The following SIGLEC11 variants were observed in gnomAD, a reference collection of about 807,000 sequenced individuals.
SIGLEC11 encodes sialic acid-binding Ig-like lectin 11.
SIGLEC11 carries 47 observed loss-of-function variants against 61.2 expected under a neutral mutation model. The ratio of observed to expected loss-of-function variants is 0.77; its 90% CI spans 0.61 to 0.98. SIGLEC11 has a LOEUF of 0.98. Ranked by LOEUF, SIGLEC11 falls within the 50% of genes least tolerant of loss-of-function variation. SIGLEC11 has a pLI of 0.00. For missense variants in SIGLEC11, 610 were observed against 870.3 expected, an observed-to-expected ratio of 0.70 and a Z score of 3.76; for synonymous variants, 278 against 373.1, an observed-to-expected ratio of 0.75 and a Z score of 2.94.
rs369965256 is a variant in SIGLEC11 at position 49,951,913 on chromosome 19, G to A, written c.1808C>T (p.Ser603Phe). 2 of 1,608,594 alleles carry A rather than the reference G, an allele frequency of 1.2e-6. No individual in the cohort carries two copies. Among genetic ancestry groups the A allele is most frequent in the Non-Finnish European group, 1.7e-6 (2 of 1,177,806 alleles). ...CACCTGGGAGATGGGTCCCAGGGTG[G>A]AGGGCACGTCCTGCTCAGCTGCTGC... ...KRAAAEQDVP[S>F]TLGPISQGHQ... Residue 603 changes from serine to phenylalanine, a missense_variant, in exon 10 of 11, where the codon TCC becomes TTC. Transcript: ENST00000447370. The surrounding 1 kb of genome is among the most constrained non-coding windows in gnomAD (Gnocchi z 4.6).
intron 9 of SIGLEC11, 132 bp downstream of exon 9, chr19:49,952,166 G>A: frequency 9.2e-7 from 1 of 1,089,470 alleles, no homozygotes; most frequent in East Asian, 2.4e-5. Context: ...GCAGACCCCT[G>A]CTCTGATCCT....
At chr19:49,952,431 G>A in intron 8 of SIGLEC11, 37 bp from the exon 9 acceptor site, 2 of 1,526,556 alleles carry the variant, frequency 1.3e-6, no homozygotes, top group South Asian at 2.3e-5. Context: ...TGCCCTCCTG[G>A]CCCTGAGACC....
At position 49,951,844 on chromosome 19, in the gene SIGLEC11, GA is replaced by G; in HGVS notation, c.1830+46del. 1 of 1,503,246 alleles carries G rather than the reference GA, an allele frequency of 6.7e-7. No individual in the cohort carries two copies. The highest frequency in any genetic ancestry group is 8.9e-7 in the Non-Finnish European group (1 of 1,118,178). The allele number at this position is 1,503,246 out of a possible 1,614,324, so 93.1% of individuals were successfully genotyped here. ...AAGAGGACTACCCATGGCCATCAAGGAAAGGGGAACAGGCAGGGCCCCAGCA... is the reference window on the plus strand; with the variant it reads ...AAGAGGACTACCCATGGCCATCAAGGAAGGGGAACAGGCAGGGCCCCAGCA... On this transcript the variant is annotated intron_variant, in intron 10 of 10. Transcript: ENST00000447370. This position sits in a 1 kb window ranked among gnomAD's most constrained non-coding sequence, Gnocchi z 4.6.
Position 49,951,780 on chromosome 19 carries a change from C to A in SIGLEC11, c.1830+111G>T, listed in dbSNP as rs2076159463. 11 of 962,826 alleles carry A rather than the reference C, an allele frequency of 1.1e-5. No homozygotes were observed. Among genetic ancestry groups the A allele is most frequent in the Non-Finnish European group, 1.6e-5 (11 of 673,728 alleles). The allele number at this position is 962,826 out of a possible 1,614,324, so 59.6% of individuals were successfully genotyped here. On this transcript the variant is annotated intron_variant, in intron 10 of 10. Coordinates refer to ENST00000447370, the MANE Select transcript of SIGLEC11 (RefSeq NM_052884.3). The surrounding 1 kb of genome is among the most constrained non-coding windows in gnomAD (Gnocchi z 4.6). ...GACTGCATTGATGGGGACCCAGGAG[C>A]AAAACCCTATTTGGGGCACAATGAT...
Position 49,955,614 on chromosome 19 carries a change from A to G in SIGLEC11, c.1651+2669T>C, listed in dbSNP as rs1335640222. Among the ~76,000 whole-genome samples the G allele has an allele frequency of 6.6e-6, 1 of 152,144 alleles. No individual in the cohort carries two copies. The highest frequency in any genetic ancestry group is 1.5e-5 in the Non-Finnish European group (1 of 68,018). ...AACATAGGCTTAAAAAAAAAGGCCA[A>G]TCTGTTGGCAGCAGCCCTCATAAAA... is the stretch of plus-strand genomic sequence containing the variant. On this transcript the variant is annotated intron_variant, in intron 8 of 10. Coordinates refer to ENST00000447370, the MANE Select transcript of SIGLEC11 (RefSeq NM_052884.3). The surrounding 1 kb of genome is among the most constrained non-coding windows in gnomAD (Gnocchi z 4.5).
rs531876202 is a variant in SIGLEC11, at chr19:49,960,422, C to T, written c.461-1G>A. 2.4e-5 allele frequency: 38 copies of T among 1,588,708 alleles called. 1 individual carries two copies. In the East Asian group the frequency reaches 4.5e-4, roughly 19 times the overall value. On this transcript the variant is annotated splice_acceptor_variant, in intron 2 of 10. Transcript: ENST00000447370. LOFTEE classifies it high-confidence loss of function. ...TAGACATCAGGCTTCTTAGTCAGGG[C>T]TGGGACAGAGACCGGGTGGGAGATT...
rs188736707 is a variant in SIGLEC11, at chr19:49,952,419, G to A, written c.1652-25C>T. The A allele has an allele frequency of 3.2e-6, 5 of 1,584,582 alleles. No individual in the cohort carries two copies. The Admixed American group carries it at 5.1e-5, about 16-fold the overall frequency. On this transcript the variant is annotated intron_variant, in intron 8 of 10. Transcript: ENST00000447370. ...CCTGCATGGGAGCAGGGTTTGGGGTGGTGCCCTCCTGGCCCTGAGACCCTC... is the reference window on the plus strand; with the variant it reads ...CCTGCATGGGAGCAGGGTTTGGGGTAGTGCCCTCCTGGCCCTGAGACCCTC...
intron 6 of SIGLEC11, 25 bp downstream of exon 6, chr19:49,959,005 C>T (rs1568750134): frequency 1.2e-6 from 2 of 1,613,746 alleles, no homozygotes. Context: ...CTGAGAGGCC[C>T]TGGCTCCTCT....
chr19:49,959,355 C>T lies in SIGLEC11; in HGVS notation c.1057+5G>A, dbSNP rs1201090845. On this transcript the variant is annotated splice_donor_5th_base_variant and intron_variant, in intron 5 of 10. Transcript: ENST00000447370. ...GGACTCCAGGCCCCTGCTAGGCACACTCACACTGCACAGAGAGGTCCAGGG... is the reference window on the plus strand; with the variant it reads ...GGACTCCAGGCCCCTGCTAGGCACATTCACACTGCACAGAGAGGTCCAGGG... 1 of 1,601,532 alleles carries T rather than the reference C, an allele frequency of 6.2e-7. No individual in the cohort carries two copies. The highest frequency in any genetic ancestry group is 8.5e-7 in the Non-Finnish European group (1 of 1,179,510).
At chr19:49,953,198 G>A (rs1352190434) in intron 8 of SIGLEC11, among the ~76,000 whole-genome samples, 3 of 152,192 alleles carry the variant, frequency 2.0e-5, no homozygotes, top group Non-Finnish European at 4.4e-5. Flanking sequence ...CCCTGAGCCG[G>A]CGCCCCTACC....
Position 49,958,432 on chromosome 19 carries a change from C to T in SIGLEC11, c.1502G>A (p.Gly501Asp), listed in dbSNP as rs549540041. The T allele has an allele frequency of 1.1e-5, 18 of 1,613,928 alleles. No homozygotes were observed. Among genetic ancestry groups the T allele is most frequent in the Non-Finnish European group, 1.4e-5 (16 of 1,179,984 alleles). ...EELLEGNSSQ[G>D]SFEVTPSSAG... The stretch of plus-strand genomic sequence containing the variant: ...TGAGCTGGGGGTGACCTCGAAGGAG[C>T]CCTGACTGCTGTTCCCCTCCAGCAG... The change falls in exon 8 of 11, where the codon GGC (glycine) becomes GAC (aspartate). Residue 501 changes from glycine (G) to aspartate (D), a missense_variant. This residue lies in a region of SIGLEC11 where 432 missense variants were observed against 441.5 expected (regional missense o/e 0.98). Coordinates refer to ENST00000447370, the MANE Select transcript of SIGLEC11 (RefSeq NM_052884.3).
At chr19:49,959,198 C>T (rs2076223169) in intron 5 of SIGLEC11, 121 bp from the exon 6 acceptor site, 1 of 1,482,706 alleles carries the variant, frequency 6.7e-7, no homozygotes, top group Admixed American at 2.0e-5. Flanking sequence ...GCAGAATCAC[C>T]CACTGAGTCC....
At chr19:49,953,309 C>T (rs568874625) in intron 8 of SIGLEC11, among the ~76,000 whole-genome samples, 1 of 152,264 alleles carries the variant, frequency 6.6e-6, no homozygotes, top group South Asian at 2.1e-4. Context: ...AGGACCCATC[C>T]CATAGGGATG....
rs201004612 is a variant in SIGLEC11 at position 49,959,030 on chromosome 19, C to G, written c.1105G>C (p.Val369Leu). 204 of 1,613,756 alleles carry G rather than the reference C, an allele frequency of 1.3e-4. No homozygotes were observed. The highest frequency in any genetic ancestry group is 1.6e-4 in the Non-Finnish European group (190 of 1,179,824). ...CTGGCTCCTCTGTCTCCTTTCCTAC[C>G]TGTCCTGTTTGCTTGGGAAACCATC... ...RVMVSQANRT[V>L]LENLGNGTSL... is the part of the protein sequence containing the mutation. The change falls in exon 6 of 11, where the codon GTC becomes CTC. Residue 369 changes from valine to leucine, a missense_variant and splice_region_variant. By Grantham distance (32) the Val-to-Leu change is conservative. This residue lies in a region of SIGLEC11 where 432 missense variants were observed against 441.5 expected (regional missense o/e 0.98). Coordinates refer to ENST00000447370, the MANE Select transcript of SIGLEC11 (RefSeq NM_052884.3).
rs767478430 is a variant in SIGLEC11, at chr19:49,958,319, C to T, written c.1615G>A (p.Gly539Arg). 46 of 1,614,098 alleles carry T rather than the reference C, an allele frequency of 2.8e-5. No homozygotes were observed. Among genetic ancestry groups the T allele is most frequent in the African/African-American group, 5.3e-5 (4 of 74,934 alleles). Reference sequence around the variant, plus strand: ...TGGAAGACAGAGCCACTCTGGGCCCCGTGGACGTTCCAGGCCTTACAGCGG... The same window carrying T: ...TGGAAGACAGAGCCACTCTGGGCCCTGTGGACGTTCCAGGCCTTACAGCGG... ...RLRCKAWNVHGAQSGSVFQLL... is the reference protein window; with the variant it reads ...RLRCKAWNVHRAQSGSVFQLL... The change falls in exon 8 of 11, where the codon GGG (glycine) becomes AGG (arginine). Residue 539 changes from glycine to arginine, a missense_variant. Around this residue, in one of 6 missense-constraint regions of SIGLEC11, gnomAD observed 432 missense variants for 441.5 expected, o/e 0.98. Coordinates refer to ENST00000447370, the MANE Select transcript of SIGLEC11 (RefSeq NM_052884.3).
intron 8 of SIGLEC11, among the ~76,000 whole-genome samples, chr19:49,954,296 C>G (rs566847273): frequency 2.0e-5 from 3 of 152,324 alleles, no homozygotes; most frequent in South Asian, 4.1e-4. Flanking sequence ...AGCCTACCCC[C>G]CTTTACTGAG....
chr19:49,960,457 C>T lies in SIGLEC11; in HGVS notation c.461-36G>A. The stretch of plus-strand genomic sequence containing the variant: ...GACCGGGTGGGAGATTCTTGTGCTG[C>T]AGGGGTCCCTGAGAGCCCTCTCTGC... On this transcript the variant is annotated intron_variant, in intron 2 of 10. Coordinates refer to ENST00000447370, the MANE Select transcript of SIGLEC11 (RefSeq NM_052884.3). 3 of 1,594,320 alleles carry T rather than the reference C, an allele frequency of 1.9e-6. No homozygotes were observed. The South Asian group carries it at 3.3e-5, about 18-fold the overall frequency.
Position 49,953,670 on chromosome 19 carries a change from G to T in SIGLEC11, c.1652-1276C>A, listed in dbSNP as rs75769180. Among the ~76,000 whole-genome samples the T allele has an allele frequency of 2.7e-5, 4 of 150,604 alleles. 1 individual carries two copies. The highest frequency in any genetic ancestry group is 4.4e-5 in the Non-Finnish European group (3 of 68,022). On this transcript the variant is annotated intron_variant, in intron 8 of 10. Transcript: ENST00000447370. ...CTAAGACTAGTGGTGATCTGCGTAT[G>T]GCTAATAGGAGCTGCCCTACAGCTC...
Position 49,960,373 on chromosome 19 carries a change from C to T in SIGLEC11, c.509G>A (p.Gly170Glu), listed in dbSNP as rs542557790. ...CACACAGATGACCGTCACCGGCTGC[C>T]CGGGCTCCAGGGTCTCGGGGATGTA... ...DVYIPETLEP[G>E]QPVTVICVFN... Residue 170 changes from glycine (G) to glutamate (E), a missense_variant, in exon 3 of 11, where the codon GGG becomes GAG. Gly to Glu is a moderately conservative substitution (Grantham distance 98, BLOSUM62 -2). Coordinates refer to ENST00000447370, the MANE Select transcript of SIGLEC11 (RefSeq NM_052884.3). The T allele has an allele frequency of 1.3e-6, 2 of 1,598,950 alleles. No individual in the cohort carries two copies. Among genetic ancestry groups the T allele is most frequent in the African/African-American group, 1.6e-5 (1 of 63,026 alleles).
Sources: gnomAD v4.1 joint callset for allele counts (sites outside exome capture counted in the v4.1 genomes callset) on GRCh38, gnomAD v4.1.1 for gene constraint, gnomAD v4.1.1 regional missense constraint, Gnocchi (gnomAD v3.1) non-coding constraint, MANE v1.5 for transcripts, NCBI Gene and HGNC (gene_info 2026-07-23, HGNC 2026-07-21) for gene names.